The following CDH12 variants were observed in gnomAD, a reference collection of about 807,000 sequenced individuals.
The protein encoded by CDH12 is cadherin-12.
A neutral mutation model predicts 74.1 loss-of-function variants in CDH12; 41 were observed. The ratio of observed to expected loss-of-function variants is 0.55; its 90% CI spans 0.43 to 0.72. The LOEUF (loss-of-function observed/expected upper bound fraction) is 0.72, where lower values mean the gene tolerates loss of function less well. CDH12 is among the 30% of genes least tolerant of loss of function. CDH12 has a pLI of 0.00. For missense variants in CDH12, 945 were observed against 977.2 expected (o/e 0.97, Z 0.44); for synonymous variants, 399 against 355.0 (o/e 1.12, Z -1.39).
chr5:22,153,891 T>TATAA (rs1554015750), intron 4 of CDH12, among the ~76,000 whole-genome samples: 32 of 32,074 alleles, frequency 1.0e-3, no homozygotes, highest in African/African-American at 2.0e-3. Flanking sequence ...TATATATAAA[T>TATAA]ATATATATAT....
chr5:22,671,099 A>T (rs1465433888), intron 1 of CDH12, among the ~76,000 whole-genome samples: 1 of 150,518 alleles, frequency 6.6e-6, no homozygotes, highest in Non-Finnish European at 1.5e-5. Context: ...TCTTTTTTAT[A>T]ACTTTACTGA....
chr5:22,755,616 T>C (rs753178307), intron 1 of CDH12, among the ~76,000 whole-genome samples: 4 of 152,086 alleles, frequency 2.6e-5, no homozygotes, highest in Non-Finnish European at 5.9e-5. Flanking sequence ...TTGCTTTTGT[T>C]AGAAAAAAAC....
chr5:22,208,587 T>C (rs1386993210), intron 4 of CDH12, among the ~76,000 whole-genome samples: 1 of 152,222 alleles, frequency 6.6e-6, no homozygotes, highest in Non-Finnish European at 1.5e-5. Flanking sequence ...ATTTCAAATT[T>C]AAGATAACCA....
chr5:22,048,574 A>G (rs2150191407), intron 5 of CDH12, among the ~76,000 whole-genome samples: 2 of 152,280 alleles, frequency 1.3e-5, no homozygotes, highest in Middle Eastern at 3.4e-3. Context: ...TATTGATGAC[A>G]CAGGATAATG....
chr5:22,693,379 G>C (rs545263520), intron 1 of CDH12, among the ~76,000 whole-genome samples: 24 of 152,244 alleles, frequency 1.6e-4, no homozygotes, highest in South Asian at 6.2e-4. Flanking sequence ...GGGACTGGCG[G>C]GGGTGTGGAC....
At chr5:21,887,812 C>T (rs1277781563) in intron 6 of CDH12, among the ~76,000 whole-genome samples, 4 of 152,020 alleles carry the variant, frequency 2.6e-5, no homozygotes, top group South Asian at 4.1e-4. Flanking sequence ...AGTCAGGGCC[C>T]GGGTAATTCA....
intron 1 of CDH12, among the ~76,000 whole-genome samples, chr5:22,725,341 T>C (rs1561605023): frequency 6.6e-6 from 1 of 151,892 alleles, no homozygotes; most frequent in Non-Finnish European, 1.5e-5. Context: ...ATTTTTCCCC[T>C]ATGGGGGAAA....
intron 5 of CDH12, among the ~76,000 whole-genome samples, chr5:22,066,757 T>C (rs932548358): frequency 5.9e-5 from 9 of 152,270 alleles, no homozygotes; most frequent in Admixed American, 3.3e-4. Flanking sequence ...ATTAGTGCCA[T>C]CACCAAAGAT....
chr5:22,290,866 G>C (rs968479733), intron 3 of CDH12, among the ~76,000 whole-genome samples: 2 of 152,048 alleles, frequency 1.3e-5, no homozygotes, highest in Non-Finnish European at 2.9e-5. Context: ...GTAATAAAAA[G>C]TCCCCCATCC....
chr5:22,078,603 G>T lies in CDH12; in HGVS notation c.74C>A (p.Pro25Gln), dbSNP rs201969238. 1.7e-5 allele frequency: 27 copies of T among 1,613,790 alleles called. No homozygotes were observed. Among genetic ancestry groups the T allele is most frequent in the Middle Eastern group, 3.3e-4 (2 of 6,082 alleles). ...TGTGGCTAAAGTCTGCTGTGGCTGT[G>T]GTTGTAGTGGTGTTAGGAGACCTCC... Reference protein sequence around the residue: ...FDGGLLTPLQPQPQQTLATEP... With the variant: ...FDGGLLTPLQQQPQQTLATEP... Residue 25 changes from proline to glutamine, a missense_variant, in exon 5 of 15, where the codon CCA (proline) becomes CAA (glutamine). Physicochemically the swap from Pro to Gln is moderately conservative, Grantham distance 76. Coordinates refer to ENST00000382254, the MANE Select transcript of CDH12 (RefSeq NM_004061.5).
chr5:22,362,015 C>A (rs1479291204), intron 3 of CDH12, among the ~76,000 whole-genome samples: 1 of 152,160 alleles, frequency 6.6e-6, no homozygotes, highest in Admixed American at 6.5e-5. Flanking sequence ...AGGACACAGG[C>A]ATGGGCAAGG....
intron 1 of CDH12, among the ~76,000 whole-genome samples, chr5:22,751,929 C>T (rs2127035794): frequency 6.6e-6 from 1 of 151,084 alleles, no homozygotes; most frequent in African/African-American, 2.4e-5. Flanking sequence ...GCAGTATTCT[C>T]AGAGTATAGC....
chr5:21,925,515 A>T (rs1754546751), intron 6 of CDH12, among the ~76,000 whole-genome samples: 1 of 152,230 alleles, frequency 6.6e-6, no homozygotes, highest in Non-Finnish European at 1.5e-5. Context: ...CTATGTTTGA[A>T]ATTAAAAGAT....
intron 1 of CDH12, among the ~76,000 whole-genome samples, chr5:22,694,792 T>C (rs1266073881): frequency 1.3e-5 from 2 of 151,330 alleles, no homozygotes; most frequent in Non-Finnish European, 2.9e-5. Flanking sequence ...CACACACACA[T>C]ATATGTATAC....
intron 5 of CDH12, among the ~76,000 whole-genome samples, chr5:22,071,671 T>C (rs963673596): frequency 2.6e-5 from 4 of 152,152 alleles, no homozygotes; most frequent in African/African-American, 9.6e-5. Flanking sequence ...CTTATGGTTT[T>C]AACTACCATC....
At chr5:22,094,140 A>G (rs1743603294) in intron 4 of CDH12, among the ~76,000 whole-genome samples, 1 of 152,158 alleles carries the variant, frequency 6.6e-6, no homozygotes, top group South Asian at 2.1e-4. Context: ...AAACCGTTAC[A>G]CAGATGAATT....
chr5:22,485,601 T>G (rs1561439723), intron 2 of CDH12, among the ~76,000 whole-genome samples: 1 of 152,200 alleles, frequency 6.6e-6, no homozygotes, highest in Non-Finnish European at 1.5e-5. Flanking sequence ...AGATTTAGAG[T>G]ATTATTTGTA....
chr5:22,425,177 ATATATATATATACTTCTTTCC>A (rs1743869805), intron 2 of CDH12, among the ~76,000 whole-genome samples: 1 of 146,386 alleles, frequency 6.8e-6, no homozygotes, highest in Admixed American at 6.8e-5. Context: ...ATATAAATAT[ATATATATATATACTTCTTTCC>A]TTTTAAATAA....
At chr5:22,177,536 C>T (rs1261110585) in intron 4 of CDH12, among the ~76,000 whole-genome samples, 1 of 152,142 alleles carries the variant, frequency 6.6e-6, no homozygotes. Flanking sequence ...CATATTCAAG[C>T]ACAGACTTTA....
Sources: gnomAD v4.1 joint callset for allele counts (sites outside exome capture counted in the v4.1 genomes callset) on GRCh38, gnomAD v4.1.1 for gene constraint, MANE v1.5 for transcripts, NCBI Gene and HGNC (gene_info 2026-07-23, HGNC 2026-07-21) for gene names.